The following CTNNA2 variants were observed in gnomAD, a reference collection of about 807,000 sequenced individuals.
CTNNA2 encodes catenin alpha 2, also known as catenin alpha-2.
CTNNA2 carries 42 observed loss-of-function variants against 101.0 expected under a neutral mutation model. The ratio of observed to expected loss-of-function variants is 0.42; its 90% CI spans 0.32 to 0.54. The LOEUF (loss-of-function observed/expected upper bound fraction) is 0.54. CTNNA2 is among the 20% of genes least tolerant of loss of function. The probability of loss-of-function intolerance (pLI) is 0.14; values close to 1 mark genes in which losing one functional copy is unlikely to be tolerated. For missense variants in CTNNA2, 871 were observed against 1,223.1 expected (o/e 0.71, Z 4.29); for synonymous variants, 450 against 456.4 (o/e 0.99, Z 0.18).
At chr2:79,591,903 A>AC (rs1018225806) in intron 1 of CTNNA2, among the ~76,000 whole-genome samples, 1 of 86,968 alleles carries the variant, frequency 1.1e-5, no homozygotes, top group African/African-American at 4.1e-5. Context: ...TCTTTTGAAA[A>AC]AAAAATTTTT....
intron 8 of CTNNA2, among the ~76,000 whole-genome samples, chr2:80,415,327 A>G (rs946392607): frequency 6.6e-6 from 1 of 152,150 alleles, no homozygotes; most frequent in African/African-American, 2.4e-5. Flanking sequence ...GCTACCTGGC[A>G]TGACAAGATA....
At chr2:79,961,273 C>T (rs890835159) in intron 7 of CTNNA2, among the ~76,000 whole-genome samples, 1 of 152,136 alleles carries the variant, frequency 6.6e-6, no homozygotes, top group Non-Finnish European at 1.5e-5. Flanking sequence ...AAATTCTTGG[C>T]ATGCGAACCA....
chr2:79,517,639 C>A (rs1026094631), intron 1 of CTNNA2, among the ~76,000 whole-genome samples: 33 of 152,012 alleles, frequency 2.2e-4, no homozygotes, highest in African/African-American at 7.5e-4. Context: ...TATTATACTA[C>A]CAGAGATTTT....
chr2:79,203,912 T>G (rs1674068779), intron 2 of CTNNA2, among the ~76,000 whole-genome samples: 1 of 152,316 alleles, frequency 6.6e-6, no homozygotes, highest in Non-Finnish European at 1.5e-5. Flanking sequence ...TTGCTTCCCA[T>G]GGTCACCTGA....
intron 9 of CTNNA2, among the ~76,000 whole-genome samples, chr2:80,469,377 T>C (rs10185845): frequency 0.45 from 68,405 of 152,150 alleles, 18,010 homozygotes; most frequent in East Asian, 0.74. Context: ...TCTGGCAGGT[T>C]GGAGGCTGCT....
At chr2:79,572,279 T>C (rs1675506789) in intron 1 of CTNNA2, among the ~76,000 whole-genome samples, 1 of 152,176 alleles carries the variant, frequency 6.6e-6, no homozygotes, top group Admixed American at 6.6e-5. Context: ...ATCTCTGCTT[T>C]GATTTTCGTT....
intron 4 of CTNNA2, among the ~76,000 whole-genome samples, chr2:79,442,753 C>T (rs1678790033): frequency 6.6e-6 from 1 of 152,090 alleles, no homozygotes; most frequent in Non-Finnish European, 1.5e-5. Context: ...TGTGAAATGA[C>T]AACAAATGTA....
chr2:79,961,743 A>AC (rs1254464980), intron 7 of CTNNA2, among the ~76,000 whole-genome samples: 2 of 148,452 alleles, frequency 1.3e-5, no homozygotes, highest in Admixed American at 1.4e-4. Flanking sequence ...AATGGCGTGA[A>AC]CCCGGGGGGC....
chr2:80,138,239 G>T (rs1224340783), intron 7 of CTNNA2, among the ~76,000 whole-genome samples: 2 of 152,004 alleles, frequency 1.3e-5, no homozygotes, highest in African/African-American at 4.8e-5. Context: ...CTTTAGTGTT[G>T]CCTGATCACC....
intron 7 of CTNNA2, among the ~76,000 whole-genome samples, chr2:80,326,895 T>A (rs1411772033): frequency 1.3e-5 from 2 of 152,194 alleles, no homozygotes; most frequent in Non-Finnish European, 2.9e-5. Flanking sequence ...CCTCCTTCCC[T>A]TTTACACACT....
chr2:79,770,642 A>T (rs896558549), intron 3 of CTNNA2, among the ~76,000 whole-genome samples: 2 of 152,242 alleles, frequency 1.3e-5, no homozygotes, highest in Admixed American at 1.3e-4. Context: ...ACTATTTTAA[A>T]ATCAAAATAG....
chr2:79,200,123 C>T (rs1335986090), intron 2 of CTNNA2, among the ~76,000 whole-genome samples: 2 of 152,096 alleles, frequency 1.3e-5, no homozygotes, highest in Non-Finnish European at 2.9e-5. Flanking sequence ...AAGTATCCTG[C>T]CTGTAATCCC....
rs142979494 is a variant in CTNNA2, at chr2:80,120,381, G to A, written c.1056+210584G>A. Among the ~76,000 whole-genome samples the A allele has an allele frequency of 2.7e-3, 416 of 152,208 alleles. 4 individuals carry two copies. The highest frequency in any genetic ancestry group is 0.014 in the Middle Eastern group (4 of 294). ...CTGACATGCCATGGAAAACTCCTTC[G>A]GGATACCCTGTGGTCTAACAAGAAT... is the stretch of plus-strand genomic sequence containing the variant. On this transcript the variant is annotated intron_variant, in intron 7 of 18. Transcript: ENST00000402739.
At chr2:79,618,045 T>C (rs1403892143) in intron 1 of CTNNA2, among the ~76,000 whole-genome samples, 1 of 151,814 alleles carries the variant, frequency 6.6e-6, no homozygotes, top group Non-Finnish European at 1.5e-5. Context: ...GACACCCCCA[T>C]CCCCACCACC....
intron 9 of CTNNA2, among the ~76,000 whole-genome samples, chr2:80,444,308 G>A (rs186550538): frequency 6.6e-6 from 1 of 152,292 alleles, no homozygotes; most frequent in East Asian, 1.9e-4. Context: ...TTATATGAAA[G>A]GAGACTACTT....
chr2:79,499,777 C>A lies in CTNNA2; in HGVS notation c.-134-5277C>A, dbSNP rs960542159. ...CAGAATGCTCCTACATGGAGCCTTGCAGGCACCACTTACTGTATTATCAGA... is the reference window on the plus strand; with the variant it reads ...CAGAATGCTCCTACATGGAGCCTTGAAGGCACCACTTACTGTATTATCAGA... On this transcript the variant is annotated intron_variant, in intron 4 of 21. Transcript: ENST00000466387. 6.6e-5 allele frequency among the ~76,000 whole-genome samples: 10 copies of A among 152,200 alleles called. 1 individual carries two copies. In the South Asian group the frequency reaches 8.3e-4, roughly 13 times the overall value.
intron 2 of CTNNA2, among the ~76,000 whole-genome samples, chr2:79,202,050 C>T (rs1420960604): frequency 6.6e-6 from 1 of 152,172 alleles, no homozygotes; most frequent in Non-Finnish European, 1.5e-5. Context: ...TGATTGTAAT[C>T]TTTTGAGTCC....
At chr2:80,443,720 T>C (rs923131031) in intron 9 of CTNNA2, among the ~76,000 whole-genome samples, 3 of 152,204 alleles carry the variant, frequency 2.0e-5, no homozygotes, top group Non-Finnish European at 4.4e-5. Context: ...AAGTTAATAA[T>C]AGTGCCCAAC....
intron 14 of CTNNA2, among the ~76,000 whole-genome samples, chr2:80,584,690 T>G (rs368856767): frequency 2.0e-5 from 3 of 152,200 alleles, no homozygotes; most frequent in African/African-American, 7.2e-5. Flanking sequence ...TGGGGCAACT[T>G]TCTTAACCTC....
Sources: allele counts gnomAD v4.1 joint callset (sites outside exome capture counted in the v4.1 genomes callset), GRCh38; gene constraint gnomAD v4.1.1; transcripts MANE v1.5; gene names NCBI Gene and HGNC (gene_info 2026-07-23, HGNC 2026-07-21).